MBNL2: variants seen among roughly 807,000 people sequenced by gnomAD.
MBNL2 encodes muscleblind-like protein 2.
A neutral mutation model predicts 41.9 loss-of-function variants in MBNL2; 17 were observed. The observed-to-expected ratio is 0.41, with a 90% CI of 0.28 to 0.61. The LOEUF is 0.61. Ranked by LOEUF, MBNL2 falls within the 20% of genes least tolerant of loss-of-function variation. MBNL2 has a pLI of 0.35. For missense variants in MBNL2, 336 were observed against 505.6 expected (o/e 0.66, Z 3.22); for synonymous variants, 195 against 182.9 (o/e 1.07, Z -0.53).
chr13:97,201,180 G>A, the MBNL2 span, among the ~76,000 whole-genome samples: 4 of 152,254 alleles, frequency 2.6e-5, no homozygotes, highest in South Asian at 2.1e-4. Flanking sequence ...ACGAGCTGGG[G>A]TCAGAGTCAT....
the MBNL2 span, among the ~76,000 whole-genome samples, chr13:97,191,690 A>G: frequency 2.6e-5 from 4 of 152,168 alleles, no homozygotes; most frequent in Non-Finnish European, 5.9e-5. Context: ...TATTTACTGT[A>G]CCTATAGGCA....
At chr13:97,172,097 C>T in the MBNL2 span, among the ~76,000 whole-genome samples, 1 of 152,066 alleles carries the variant, frequency 6.6e-6, no homozygotes, top group Non-Finnish European at 1.5e-5. Context: ...ACTTTATTTT[C>T]ATTAGTCCAT....
chr13:97,180,202 A>G, the MBNL2 span, among the ~76,000 whole-genome samples: 4 of 152,164 alleles, frequency 2.6e-5, no homozygotes, highest in East Asian at 1.9e-4. Context: ...AACAGCATCA[A>G]AGATGACCTC....
chr13:97,350,285 G>A (rs960159199), intron 5 of MBNL2, among the ~76,000 whole-genome samples: 34 of 152,344 alleles, frequency 2.2e-4, no homozygotes, highest in African/African-American at 7.7e-4. Flanking sequence ...AATAGTCAGA[G>A]CTTTTAGTGA....
At chr13:97,195,293 C>A in the MBNL2 span, among the ~76,000 whole-genome samples, 2 of 152,064 alleles carry the variant, frequency 1.3e-5, no homozygotes, top group African/African-American at 4.8e-5. Flanking sequence ...CCCAGCCCAC[C>A]CCAAGGGTGC....
At chr13:97,169,035 C>T in the MBNL2 span, among the ~76,000 whole-genome samples, 24 of 152,108 alleles carry the variant, frequency 1.6e-4, no homozygotes, top group Non-Finnish European at 2.9e-4. Context: ...GGGCAAAGGT[C>T]GTCTACTCCC....
At chr13:97,372,235 G>T (rs1462934518) in intron 8 of MBNL2, among the ~76,000 whole-genome samples, 1 of 151,456 alleles carries the variant, frequency 6.6e-6, no homozygotes. Context: ...TTATATTCTG[G>T]GCAATATGTT....
In MBNL2 at chr13:97,366,614, A is replaced by T. The variant is rs553202755; in HGVS notation, c.1048+1443A>T. 2.4e-5 allele frequency: 22 copies of T among 913,746 alleles called. No homozygotes were observed. The highest frequency in any genetic ancestry group is 2.3e-4 in the Middle Eastern group (1 of 4,386). The allele number at this position is 913,746 out of a possible 1,614,324, so 56.6% of individuals were successfully genotyped here. ...AAACTCTAAATGAGTGCTGATATTTAAAAAAAAAATTCTCGGTGAGAATTT... is the reference window on the plus strand; with the variant it reads ...AAACTCTAAATGAGTGCTGATATTTTAAAAAAAAATTCTCGGTGAGAATTT... On this transcript the variant is annotated intron_variant, in intron 8 of 8. Coordinates refer to ENST00000679496, the MANE Select transcript of MBNL2 (RefSeq NM_001382683.1). The surrounding 1 kb of genome is among the most constrained non-coding windows in gnomAD (Gnocchi z 4.7).
At chr13:97,220,600 T>C (rs1230213629), upstream of MBNL2, among the ~76,000 whole-genome samples, 1 of 152,214 alleles carries the variant, frequency 6.6e-6, no homozygotes, top group African/African-American at 2.4e-5. Flanking sequence ...GAAAGGAACA[T>C]GACTTTACAT....
chr13:97,192,401 A>G, the MBNL2 span, among the ~76,000 whole-genome samples: 1 of 152,186 alleles, frequency 6.6e-6, no homozygotes, highest in Non-Finnish European at 1.5e-5. Context: ...GTCAAATGCA[A>G]ACAGTCAGAG....
At chr13:97,328,462 G>A (rs573258494) in intron 2 of MBNL2, among the ~76,000 whole-genome samples, 1 of 152,328 alleles carries the variant, frequency 6.6e-6, no homozygotes, top group East Asian at 1.9e-4. Context: ...CCGTTCCGCG[G>A]CCTGGCCTGC....
intron 2 of MBNL2, among the ~76,000 whole-genome samples, chr13:97,286,174 C>T (rs1488880208): frequency 1.3e-5 from 2 of 152,332 alleles, no homozygotes; most frequent in Middle Eastern, 3.4e-3. Context: ...GACATATCTA[C>T]TTGGATATTT....
the MBNL2 span, among the ~76,000 whole-genome samples, chr13:97,168,096 GCT>G: frequency 8.0e-3 from 1,225 of 152,188 alleles, 11 homozygotes; most frequent in East Asian, 0.036. Flanking sequence ...CTTCCAAGTA[GCT>G]GAGATTACAG....
At chr13:97,144,413 C>T in the MBNL2 span, among the ~76,000 whole-genome samples, 1 of 128,806 alleles carries the variant, frequency 7.8e-6, no homozygotes, top group Non-Finnish European at 1.6e-5. Flanking sequence ...TGCCTCTAGA[C>T]ATGATACTTC....
intron 1 of MBNL2, among the ~76,000 whole-genome samples, chr13:97,270,972 G>T (rs911242554): frequency 6.6e-6 from 1 of 152,190 alleles, no homozygotes; most frequent in Non-Finnish European, 1.5e-5. Flanking sequence ...AACAAGCTGG[G>T]AGAAAGAGTG....
rs1420122260 is a variant in MBNL2, at chr13:97,392,089, T to C, written c.*640T>C. 2.0e-5 allele frequency: 3 copies of C among 152,610 alleles called. No individual in the cohort carries two copies. Among genetic ancestry groups the C allele is most frequent in the Non-Finnish European group, 4.4e-5 (3 of 68,016 alleles). The allele number at this position is 152,610 out of a possible 1,614,324, so 9.5% of individuals were successfully genotyped here. On this transcript the variant is annotated 3_prime_UTR_variant, in exon 9 of 9. Transcript: ENST00000679496. ...CCAAACAAAGTCTTGAAGGTATTAT[T>C]TTACAAGTATATTTTTAAAGTTGTT...
intron 2 of MBNL2, among the ~76,000 whole-genome samples, chr13:97,284,904 T>C (rs1018086478): frequency 6.6e-6 from 1 of 152,248 alleles, no homozygotes; most frequent in African/African-American, 2.4e-5. Flanking sequence ...ATTTTAATTG[T>C]AGTTTTTAAT....
intron 2 of MBNL2, among the ~76,000 whole-genome samples, chr13:97,303,894 T>C (rs529219730): frequency 1.3e-5 from 2 of 152,354 alleles, no homozygotes; most frequent in African/African-American, 4.8e-5. Flanking sequence ...GGATTTTACA[T>C]TGAGCCAGAA....
the MBNL2 span, among the ~76,000 whole-genome samples, chr13:97,155,861 G>C: frequency 2.0e-5 from 3 of 146,524 alleles, no homozygotes; most frequent in African/African-American, 7.7e-5. Flanking sequence ...AAACATACGT[G>C]TGCATGTGTC....
Sources: allele counts gnomAD v4.1 joint callset (sites outside exome capture counted in the v4.1 genomes callset), GRCh38; gene constraint gnomAD v4.1.1; non-coding constraint Gnocchi (gnomAD v3.1); transcripts MANE v1.5; gene names NCBI Gene and HGNC (gene_info 2026-07-23, HGNC 2026-07-21).